ACTN2: variants seen among roughly 807,000 people sequenced by gnomAD.
ACTN2 encodes alpha-actinin-2.
In ACTN2, 39 loss-of-function variants were observed where a neutral mutation model predicts 113.8. The ratio of observed to expected loss-of-function variants is 0.34; its 90% confidence interval spans 0.27 to 0.45. ACTN2 has a LOEUF of 0.45. Among genes scored for constraint, ACTN2 ranks in the 20% least tolerant of loss-of-function variants. The probability of loss-of-function intolerance (pLI) is 1.00; values close to 1 mark genes in which losing one functional copy is unlikely to be tolerated. For synonymous variants in ACTN2, 429 were observed against 444.1 expected, an observed-to-expected ratio of 0.97 and a Z score of 0.43; for missense variants, 992 against 1,177.9, an observed-to-expected ratio of 0.84 and a Z score of 2.31.
At chr1:236,712,920 CTTTT>C (rs5781920) in intron 1 of ACTN2, among the ~76,000 whole-genome samples, 2 of 145,374 alleles carry the variant, frequency 1.4e-5, no homozygotes, top group Non-Finnish European at 1.5e-5. Context: ...CCATCAGTTG[CTTTT>C]TTTTTTTTTT....
Position 236,739,345 on chromosome 1 carries a change from G to A in ACTN2, c.920G>A (p.Arg307Gln), listed in dbSNP as rs112882610. 2.2e-5 allele frequency: 35 copies of A among 1,613,902 alleles called. No individual in the cohort carries two copies. The highest frequency in any genetic ancestry group is 8.0e-5 in the African/African-American group (6 of 74,866). ...IRRTIPWLEN[R>Q]TPEKTMQAMQ... Reference sequence around the variant, plus strand: ...CGCACGATCCCCTGGCTGGAGAACCGGACTCCCGAGAAGACCATGCAAGCC... The same window carrying A: ...CGCACGATCCCCTGGCTGGAGAACCAGACTCCCGAGAAGACCATGCAAGCC... The change falls in exon 10 of 21, where the codon CGG becomes CAG. Residue 307 changes from arginine (R) to glutamine (Q), a missense_variant. This residue lies in a region of ACTN2 where 736 missense variants were observed against 815.4 expected (regional missense o/e 0.90). Transcript: ENST00000366578.
rs1327458468 is a variant in ACTN2 at position 236,686,662 on chromosome 1, C to G, written c.-12C>G. The G allele has an allele frequency of 1.3e-6, 2 of 1,550,988 alleles. No individual in the cohort carries two copies. The highest frequency in any genetic ancestry group is 1.7e-6 in the Non-Finnish European group (2 of 1,148,650). On this transcript the variant is annotated 5_prime_UTR_variant, in exon 1 of 21. Coordinates refer to ENST00000366578, the MANE Select transcript of ACTN2 (RefSeq NM_001103.4). The stretch of plus-strand genomic sequence containing the variant: ...CCTCGCGCCCCGCCGCAGCCCCGGC[C>G]AACCGAGCGCCATGAACCAGATAGA...
intron 1 of ACTN2, among the ~76,000 whole-genome samples, chr1:236,696,727 G>A (rs546079668): frequency 3.4e-5 from 5 of 148,782 alleles, no homozygotes; most frequent in Admixed American, 6.7e-5. Flanking sequence ...GTGCAGTGGC[G>A]CAATCTCGGC....
intron 9 of ACTN2, 103 bp downstream of exon 9, chr1:236,737,317 A>ATATATTTT (rs1260600266): frequency 3.5e-6 from 1 of 288,956 alleles, no homozygotes; most frequent in Non-Finnish European, 7.1e-6. Flanking sequence ...ATATATATAT[A>ATATATTTT]TTTTGCATTT....
At position 236,686,596 on chromosome 1, in the gene ACTN2, C is replaced by CCCCCCCCA; in HGVS notation, c.-78_-77insCCCCCCCA. Reference sequence around the variant, plus strand: ...GCGCCCGCCGCCCGCCGCCCGCCGCCTCCGTGGGTCCGTTTGCCAGTCAGC... The same window carrying CCCCCCCCA: ...GCGCCCGCCGCCCGCCGCCCGCCGCCCCCCCCCATCCGTGGGTCCGTTTGCCAGTCAGC... On this transcript the variant is annotated 5_prime_UTR_variant, in exon 1 of 21. Transcript: ENST00000366578. The CCCCCCCCA allele has an allele frequency of 6.9e-7, 1 of 1,441,308 alleles. No individual in the cohort carries two copies. The highest frequency in any genetic ancestry group is 2.8e-5 in the Admixed American group (1 of 35,290). The allele number at this position is 1,441,308 out of a possible 1,614,324, so 89.3% of individuals were successfully genotyped here. A position where few individuals can be genotyped will look rare whatever the true frequency, so the allele number is the denominator to read the frequency against.
chr1:236,697,184 G>GGT (rs1657532701), intron 1 of ACTN2, among the ~76,000 whole-genome samples: 1 of 152,214 alleles, frequency 6.6e-6, no homozygotes, highest in Admixed American at 6.5e-5. Context: ...AAGTCAGCCA[G>GGT]GTGTGTTGGT....
In ACTN2 at chr1:236,762,746, C is replaced by G; in HGVS notation, c.*127C>G. ...AGAGAGGGGAAAAAAAAAAGCCTTT[C>G]GTAGTTCAGTAATTGCCAGCAATAT... On this transcript the variant is annotated 3_prime_UTR_variant, in exon 21 of 21. Coordinates refer to ENST00000366578, the MANE Select transcript of ACTN2 (RefSeq NM_001103.4). 8.1e-7 allele frequency: 1 copy of G among 1,230,458 alleles called. No individual in the cohort carries two copies. Among genetic ancestry groups the G allele is most frequent in the Non-Finnish European group, 1.2e-6 (1 of 868,690 alleles). The allele number at this position is 1,230,458 out of a possible 1,614,324, so 76.2% of individuals were successfully genotyped here. A position where few individuals can be genotyped will look rare whatever the true frequency, so the allele number is the denominator to read the frequency against.
rs746999787 is a variant in ACTN2, at chr1:236,757,553, A to G, written c.2222A>G (p.Gln741Arg). ...AGAACCATCAATGAGGTGGAGACTC[A>G]GATCCTGACGAGAGATGCGAAGGGC... The part of the protein sequence containing the change: ...IARTINEVET[Q>R]ILTRDAKGIT... Residue 741 changes from glutamine to arginine, a missense_variant, in exon 18 of 21, where the codon CAG becomes CGG. Coordinates refer to ENST00000366578, the MANE Select transcript of ACTN2 (RefSeq NM_001103.4). 15 of 1,614,062 alleles carry G rather than the reference A, an allele frequency of 9.3e-6. No homozygotes were observed. The highest frequency in any genetic ancestry group is 1.3e-5 in the African/African-American group (1 of 74,932).
At chr1:236,690,042 A>G (rs549823294) in intron 1 of ACTN2, among the ~76,000 whole-genome samples, 2 of 152,338 alleles carry the variant, frequency 1.3e-5, no homozygotes, top group South Asian at 4.1e-4. Context: ...TGATAGATAA[A>G]CTTTTCTAAG....
At chr1:236,753,865 CTTG>C in intron 15 of ACTN2, 79 bp from the exon 16 acceptor site, 6 of 1,394,002 alleles carry the variant, frequency 4.3e-6, no homozygotes, top group Non-Finnish European at 6.0e-6. Context: ...ACCCCCACCC[CTTG>C]GACTATTCCC....
In ACTN2 at chr1:236,704,012, A is replaced by C. The variant is rs114867311; in HGVS notation, c.127-13846A>C. Among the ~76,000 whole-genome samples the C allele has an allele frequency of 3.0e-3, 460 of 152,346 alleles. 2 individuals carry two copies. The highest frequency in any genetic ancestry group is 0.01 in the African/African-American group (436 of 41,582). ...AAATAGGAAAAATGCTAAATAATTC[A>C]ACCCAAATTTAGTATTATTTATGGT... is the stretch of plus-strand genomic sequence containing the variant. On this transcript the variant is annotated intron_variant, in intron 1 of 20. Coordinates refer to ENST00000366578, the MANE Select transcript of ACTN2 (RefSeq NM_001103.4).
chr1:236,720,153 T>C lies in ACTN2; in HGVS notation c.410T>C (p.Ile137Thr). The change falls in exon 4 of 21, where the codon ATC (isoleucine) becomes ACC (threonine). Residue 137 changes from isoleucine to threonine, a missense_variant. Physicochemically the swap from Ile to Thr is moderately conservative, Grantham distance 89. Transcript: ENST00000366578. ...VKMTLGMIWT[I>T]ILRFAIQDIS... ...ATGACCCTGGGTATGATCTGGACCA[T>C]CATCCTTCGCTTTGCTATTCAGGAT... is the stretch of plus-strand genomic sequence containing the variant. 1 of 1,613,894 alleles carries C rather than the reference T, an allele frequency of 6.2e-7. No individual in the cohort carries two copies. The highest frequency in any genetic ancestry group is 8.5e-7 in the Non-Finnish European group (1 of 1,179,766).
intron 5 of ACTN2, 54 bp from the exon 6 acceptor site, chr1:236,727,624 C>A: frequency 6.3e-7 from 1 of 1,584,168 alleles, no homozygotes; most frequent in Non-Finnish European, 8.7e-7. Context: ...CAGATGCTGG[C>A]TGCTTCTTTC....
At chr1:236,734,592 C>A in intron 7 of ACTN2, 1 of 1,126,310 alleles carries the variant, frequency 8.9e-7, no homozygotes, top group South Asian at 1.5e-5. Context: ...TTGTTTTCCT[C>A]TTTTTTCCCC....
At chr1:236,696,010 A>G (rs1038118135) in intron 1 of ACTN2, among the ~76,000 whole-genome samples, 5 of 152,202 alleles carry the variant, frequency 3.3e-5, no homozygotes, top group African/African-American at 9.6e-5. Context: ...ATAGGTGAAT[A>G]TGAGATTGTT....
chr1:236,758,780 T>G (rs568594746), intron 18 of ACTN2, among the ~76,000 whole-genome samples: 1 of 152,048 alleles, frequency 6.6e-6, no homozygotes, highest in Non-Finnish European at 1.5e-5. Flanking sequence ...CCACCATGCC[T>G]GGCTAATTTT....
chr1:236,742,890 T>C lies in ACTN2; in HGVS notation c.1108-6T>C. ...ATTTGCTTCCCTTGGCTTCCAACCA[T>C]CCCAGGATATTGCTGGTGCCTGGCA... is the stretch of plus-strand genomic sequence containing the variant. On this transcript the variant is annotated splice_polypyrimidine_tract_variant and splice_region_variant and intron_variant, in intron 10 of 20. Coordinates refer to ENST00000366578, the MANE Select transcript of ACTN2 (RefSeq NM_001103.4). 2 of 1,614,140 alleles carry C rather than the reference T, an allele frequency of 1.2e-6. No homozygotes were observed. The highest frequency in any genetic ancestry group is 1.7e-6 in the Non-Finnish European group (2 of 1,180,028).
chr1:236,721,022 G>GGT (rs1658373894), intron 4 of ACTN2, among the ~76,000 whole-genome samples: 3 of 66,498 alleles, frequency 4.5e-5, no homozygotes, highest in South Asian at 5.9e-4. Flanking sequence ...TTTGTTTTTT[G>GGT]TTTTTTTTTT....
chr1:236,751,561 A>C lies in ACTN2; in HGVS notation c.1748A>C (p.Glu583Ala), dbSNP rs200631005. The C allele has an allele frequency of 3.7e-5, 59 of 1,614,104 alleles. No homozygotes were observed. The highest frequency in any genetic ancestry group is 4.7e-5 in the Non-Finnish European group (55 of 1,179,986). The change falls in exon 15 of 21, where the codon GAG (glutamate) becomes GCG (alanine). Residue 583 changes from glutamate (E) to alanine (A), a missense_variant. This residue lies in a region of ACTN2 where 736 missense variants were observed against 815.4 expected (regional missense o/e 0.90). Coordinates refer to ENST00000366578, the MANE Select transcript of ACTN2 (RefSeq NM_001103.4). Reference protein sequence around the residue: ...QSIMAIQNEVEKVIQSYNIRI... With the variant: ...QSIMAIQNEVAKVIQSYNIRI... ...ATCATGGCCATCCAGAACGAGGTGGAGAAGGTGATTCAGAGCTACAACATC... is the reference window on the plus strand; with the variant it reads ...ATCATGGCCATCCAGAACGAGGTGGCGAAGGTGATTCAGAGCTACAACATC...
Sources: gnomAD v4.1 joint callset for allele counts (sites outside exome capture counted in the v4.1 genomes callset) on GRCh38, gnomAD v4.1.1 for gene constraint, gnomAD v4.1.1 regional missense constraint, MANE v1.5 for transcripts, NCBI Gene and HGNC (gene_info 2026-07-23, HGNC 2026-07-21) for gene names.